NLGN1: variants seen among roughly 807,000 people sequenced by gnomAD.
NLGN1 encodes neuroligin 1.
In NLGN1, 12 loss-of-function variants were observed where a neutral mutation model predicts 65.5. The observed-to-expected ratio is 0.18, with a 90% CI of 0.12 to 0.30. The LOEUF (loss-of-function observed/expected upper bound fraction) is 0.30. Ranked by LOEUF, NLGN1 falls within the 10% of genes least tolerant of loss-of-function variation. The pLI, the probability that NLGN1 is intolerant of heterozygous loss-of-function variation, is 1.00. For missense variants in NLGN1, 750 were observed against 1,007.1 expected (o/e 0.74, Z 3.46); for synonymous variants, 350 against 359.5 (o/e 0.97, Z 0.30).
At chr3:173,624,743 A>G (rs771820916) in intron 3 of NLGN1, among the ~76,000 whole-genome samples, 2 of 152,146 alleles carry the variant, frequency 1.3e-5, no homozygotes, top group East Asian at 1.9e-4. Flanking sequence ...ACTTAATTCT[A>G]ATAGAAGGTA....
chr3:174,009,053 A>T (rs2152437603), intron 4 of NLGN1, among the ~76,000 whole-genome samples: 1 of 152,238 alleles, frequency 6.6e-6, no homozygotes, highest in African/African-American at 2.4e-5. Context: ...AGTTCTGGAG[A>T]TTGGGAGTCC....
At chr3:173,823,549 C>G (rs149144231) in intron 4 of NLGN1, among the ~76,000 whole-genome samples, 1 of 152,052 alleles carries the variant, frequency 6.6e-6, no homozygotes, top group African/African-American at 2.4e-5. Flanking sequence ...TCCCACTAAA[C>G]AATACAGTTG....
chr3:173,583,494 C>T (rs1053054023), intron 2 of NLGN1, among the ~76,000 whole-genome samples: 2 of 152,200 alleles, frequency 1.3e-5, no homozygotes, highest in Admixed American at 1.3e-4. Context: ...ACACCTTGTA[C>T]ACTAAAAAGG....
chr3:174,057,272 G>T (rs550577175), intron 4 of NLGN1, among the ~76,000 whole-genome samples: 3 of 152,086 alleles, frequency 2.0e-5, no homozygotes, highest in East Asian at 3.9e-4. Flanking sequence ...TGATGGGGAC[G>T]GGGAAAACTT....
chr3:173,453,712 C>A (rs937701136), intron 2 of NLGN1, among the ~76,000 whole-genome samples: 3 of 152,138 alleles, frequency 2.0e-5, no homozygotes, highest in Non-Finnish European at 1.5e-5. Flanking sequence ...TGTCTTTAGG[C>A]TCTACTTTTA....
At chr3:173,815,431 A>G (rs1157766062) in intron 4 of NLGN1, among the ~76,000 whole-genome samples, 2 of 151,996 alleles carry the variant, frequency 1.3e-5, no homozygotes, top group African/African-American at 4.8e-5. Flanking sequence ...CTACTGAGAA[A>G]ACCCTTGTCA....
At chr3:174,206,330 C>A (rs1735406931) in intron 4 of NLGN1, among the ~76,000 whole-genome samples, 1 of 152,208 alleles carries the variant, frequency 6.6e-6, no homozygotes, top group African/African-American at 2.4e-5. Flanking sequence ...ATCACACCAA[C>A]TTCAAGCCAC....
At chr3:173,834,175 T>C (rs1164365947) in intron 4 of NLGN1, among the ~76,000 whole-genome samples, 2 of 152,206 alleles carry the variant, frequency 1.3e-5, no homozygotes, top group South Asian at 4.1e-4. Flanking sequence ...CACATTCATA[T>C]TATAGTCACA....
chr3:173,720,400 A>G (rs1313446459), intron 3 of NLGN1, among the ~76,000 whole-genome samples: 1 of 152,172 alleles, frequency 6.6e-6, no homozygotes, highest in African/African-American at 2.4e-5. Flanking sequence ...TGTATTATAA[A>G]TGGTTATTGA....
chr3:173,857,804 A>G, intron 4 of NLGN1, among the ~76,000 whole-genome samples: 1 of 131,324 alleles, frequency 7.6e-6, no homozygotes, highest in Non-Finnish European at 1.6e-5. Flanking sequence ...AAAAATTGCT[A>G]CTAGAATGAA....
Position 174,146,093 on chromosome 3 carries a change from T to TCCTTCC in NLGN1, c.647-129222_647-129221insCCTTCC, listed in dbSNP as rs1324309549. Among the ~76,000 whole-genome samples, 6 of 125,182 alleles carry TCCTTCC rather than the reference T, an allele frequency of 4.8e-5. No homozygotes were observed. In the East Asian group the frequency reaches 1.1e-3, roughly 23 times the overall value. The allele number at this position is 125,182 out of a possible 152,430, so 82.1% of individuals were successfully genotyped here. A position where few individuals can be genotyped will look rare whatever the true frequency, so the allele number is the denominator to read the frequency against. On this transcript the variant is annotated intron_variant, in intron 4 of 6. Transcript: ENST00000457714. ...ATAACCTATTAATCTATTCTACTCTTTTCCTTCCTTCCTTCCTTCCTTCCT... is the reference window on the plus strand; with the variant it reads ...ATAACCTATTAATCTATTCTACTCTTCCTTCCTTCCTTCCTTCCTTCCTTCCTTCCT...
chr3:173,428,489 T>A (rs1716558099), intron 1 of NLGN1, among the ~76,000 whole-genome samples: 1 of 152,034 alleles, frequency 6.6e-6, no homozygotes, highest in South Asian at 2.1e-4. Context: ...AAATATTTTA[T>A]GGATATAACA....
intron 4 of NLGN1, among the ~76,000 whole-genome samples, chr3:173,967,053 G>A (rs16832379): frequency 0.015 from 2,324 of 152,330 alleles, 66 homozygotes; most frequent in African/African-American, 0.052. Flanking sequence ...GACAAGGTCA[G>A]CAACAGCAGG....
intron 2 of NLGN1, among the ~76,000 whole-genome samples, chr3:173,503,364 G>T (rs1436281512): frequency 6.6e-6 from 1 of 151,988 alleles, no homozygotes; most frequent in Non-Finnish European, 1.5e-5. Flanking sequence ...TAAATCCCTT[G>T]GGTGTTTTAT....
In NLGN1 at chr3:173,538,330, CAT is replaced by C. The variant is rs376113634; in HGVS notation, c.-320-65945_-320-65944del. On this transcript the variant is annotated intron_variant, in intron 2 of 6. Transcript: ENST00000457714. ...CCAGCTGCTTCAGGGTGGTGGGAAA[CAT>C]ATAAAACTAGTGAATTCCTTGAGCA... Among the ~76,000 whole-genome samples the C allele has an allele frequency of 7.8e-4, 119 of 152,256 alleles. 2 individuals are homozygous for C. The South Asian group carries it at 0.019, about 25-fold the overall frequency.
At chr3:173,815,640 T>C (rs1366439509) in intron 4 of NLGN1, among the ~76,000 whole-genome samples, 1 of 152,154 alleles carries the variant, frequency 6.6e-6, no homozygotes, top group East Asian at 1.9e-4. Flanking sequence ...TCTCCTACCC[T>C]GACCTCTAAA....
At chr3:173,446,846 G>C (rs1205762254) in intron 2 of NLGN1, among the ~76,000 whole-genome samples, 1 of 152,124 alleles carries the variant, frequency 6.6e-6, no homozygotes, top group Non-Finnish European at 1.5e-5. Flanking sequence ...GTGTTTTTTG[G>C]CTGCATAAAT....
At chr3:174,257,233 T>C (rs58774376) in intron 4 of NLGN1, among the ~76,000 whole-genome samples, 17,192 of 152,090 alleles carry the variant, frequency 0.11, 1,782 homozygotes, top group African/African-American at 0.27. Context: ...TCAGAATGGC[T>C]ATTATTAAAA....
intron 4 of NLGN1, among the ~76,000 whole-genome samples, chr3:174,253,952 C>A (rs1745214253): frequency 6.6e-6 from 1 of 152,168 alleles, no homozygotes; most frequent in African/African-American, 2.4e-5. Context: ...ACAGTACCTC[C>A]AGAGGATTGC....
Sources: allele counts gnomAD v4.1 joint callset (sites outside exome capture counted in the v4.1 genomes callset), GRCh38; gene constraint gnomAD v4.1.1; transcripts MANE v1.5; gene names NCBI Gene and HGNC (gene_info 2026-07-23, HGNC 2026-07-21).